GNG7: variants seen among roughly 807,000 people sequenced by gnomAD.
GNG7 encodes the protein guanine nucleotide-binding protein G(I)/G(S)/G(O) subunit gamma-7.
GNG7 carries 1 observed loss-of-function variant against 4.0 expected under a neutral mutation model. The observed-to-expected ratio is 0.25, with a 90% CI of 0.09 to 1.18. The LOEUF (loss-of-function observed/expected upper bound fraction) is 1.18. Among genes scored for constraint, GNG7 ranks in the 50% most tolerant of loss-of-function variants. GNG7 has a pLI of 0.50. For missense variants in GNG7, 86 were observed against 91.9 expected (o/e 0.94, Z 0.26); for synonymous variants, 34 against 36.9 (o/e 0.92, Z 0.29).
chr19:2,596,556 C>A (rs1981026545), intron 2 of GNG7, among the ~76,000 whole-genome samples: 1 of 151,776 alleles, frequency 6.6e-6, no homozygotes, highest in Admixed American at 6.6e-5. Context: ...GTGGTCCCAG[C>A]TACTCAGGAG....
chr19:2,573,474 C>T (rs1217200196), intron 2 of GNG7, among the ~76,000 whole-genome samples: 2 of 152,116 alleles, frequency 1.3e-5, no homozygotes, highest in East Asian at 1.9e-4. Flanking sequence ...CTCACAGCTG[C>T]GTGGCTTCCG....
chr19:2,540,537 G>A (rs550507719), intron 3 of GNG7, among the ~76,000 whole-genome samples: 4 of 152,324 alleles, frequency 2.6e-5, no homozygotes, highest in East Asian at 1.9e-4. Context: ...GCCCCTGCTC[G>A]GGGGTGGGTG....
At chr19:2,529,749 C>T (rs1978525516) in intron 3 of GNG7, among the ~76,000 whole-genome samples, 1 of 152,176 alleles carries the variant, frequency 6.6e-6, no homozygotes, top group African/African-American at 2.4e-5. Flanking sequence ...ACAGAACATT[C>T]AGGTTTCAGG....
rs564291872 is a variant in GNG7, at chr19:2,565,565, G to C, written c.-77-10377C>G. ...TTTGCGTCAAAGGAAGGGTCGGTTA[G>C]TTCCTTCCCTCCAGGACTGAATCCA... On this transcript the variant is annotated intron_variant, in intron 2 of 4. Coordinates refer to ENST00000382159, the MANE Select transcript of GNG7 (RefSeq NM_052847.3). Among the ~76,000 whole-genome samples, 9 of 151,834 alleles carry C rather than the reference G, an allele frequency of 5.9e-5. No individual in the cohort carries two copies. The East Asian group carries it at 1.4e-3, about 23-fold the overall frequency.
intron 3 of GNG7, among the ~76,000 whole-genome samples, chr19:2,549,354 G>A (rs1327713230): frequency 2.0e-5 from 3 of 151,196 alleles, no homozygotes; most frequent in Admixed American, 1.3e-4. Context: ...GTGCAGTGGC[G>A]GATCTCGGCT....
At chr19:2,575,188 T>C (rs10419362) in intron 2 of GNG7, among the ~76,000 whole-genome samples, 63,189 of 151,400 alleles carry the variant, frequency 0.42, 17,408 homozygotes, top group African/African-American at 0.8. Flanking sequence ...GGGCTCAAGC[T>C]ATCCTCCCAC....
At chr19:2,700,480 G>C (rs1275924994) in intron 1 of GNG7, among the ~76,000 whole-genome samples, 1 of 152,054 alleles carries the variant, frequency 6.6e-6, no homozygotes, top group Non-Finnish European at 1.5e-5. Context: ...GGGTGACCCT[G>C]ATGTGTGCTC....
chr19:2,554,428 C>T lies in GNG7; in HGVS notation c.-38+721G>A, dbSNP rs146599950. Among the ~76,000 whole-genome samples the T allele has an allele frequency of 7.7e-4, 115 of 150,110 alleles. 3 individuals are homozygous for T. In the East Asian group the frequency reaches 0.02, roughly 26 times the overall value. ...GTGCAATCATAGCTCACTGCAACCC[C>T]GAACTCCTGGGTTCAAGCAATCCTC... On this transcript the variant is annotated intron_variant, in intron 3 of 4. Coordinates refer to ENST00000382159, the MANE Select transcript of GNG7 (RefSeq NM_052847.3).
At chr19:2,535,934 C>T (rs1420261643) in intron 3 of GNG7, among the ~76,000 whole-genome samples, 2 of 151,694 alleles carry the variant, frequency 1.3e-5, no homozygotes, top group South Asian at 2.1e-4. Context: ...GAAACCAGCC[C>T]GAGCAACAGA....
chr19:2,684,597 G>A lies in GNG7; in HGVS notation c.-135+18049C>T, dbSNP rs538718614. 3.9e-5 allele frequency among the ~76,000 whole-genome samples: 6 copies of A among 152,270 alleles called. No homozygotes were observed. The South Asian group carries it at 1.2e-3, about 32-fold the overall frequency. ...GGCCACGATGAGGATGCACTTTGAGGACCTCAGTCTCAGTGAGAGAAGCCA... is the reference window on the plus strand; with the variant it reads ...GGCCACGATGAGGATGCACTTTGAGAACCTCAGTCTCAGTGAGAGAAGCCA... On this transcript the variant is annotated intron_variant, in intron 1 of 4. Transcript: ENST00000382159.
At chr19:2,589,013 C>T (rs533957277) in intron 2 of GNG7, among the ~76,000 whole-genome samples, 1 of 152,260 alleles carries the variant, frequency 6.6e-6, no homozygotes, top group African/African-American at 2.4e-5. Flanking sequence ...ACCACAACCT[C>T]CCCCTTCCAG....
At chr19:2,685,132 AAAAG>A (rs1304675195) in intron 1 of GNG7, among the ~76,000 whole-genome samples, 2 of 151,460 alleles carry the variant, frequency 1.3e-5, no homozygotes, top group Admixed American at 6.6e-5. Context: ...CTAAAAAAAA[AAAAG>A]AAAGAAAAAA....
intron 2 of GNG7, chr19:2,610,986 G>A (rs1356016990): frequency 8.2e-6 from 1 of 122,504 alleles, no homozygotes; most frequent in Non-Finnish European, 1.7e-5. Context: ...GGGGGGGAAC[G>A]GGCTCACGTG....
intron 2 of GNG7, among the ~76,000 whole-genome samples, chr19:2,603,617 T>C (rs1467014587): frequency 6.6e-6 from 1 of 152,188 alleles, no homozygotes; most frequent in East Asian, 1.9e-4. Flanking sequence ...GGCTCACCCT[T>C]GCGGGGCGGC....
intron 2 of GNG7, among the ~76,000 whole-genome samples, chr19:2,606,243 G>A (rs1259744722): frequency 3.9e-5 from 6 of 152,038 alleles, no homozygotes; most frequent in Non-Finnish European, 8.8e-5. Context: ...GCTGGGCGTG[G>A]TGGTGTGCAC....
chr19:2,521,631 TGAGACAGAG>T (rs1978309491), intron 3 of GNG7, among the ~76,000 whole-genome samples: 1 of 149,116 alleles, frequency 6.7e-6, no homozygotes, highest in African/African-American at 2.5e-5. Flanking sequence ...TTTTTTTTTT[TGAGACAGAG>T]TCTTGCTCTG....
chr19:2,570,143 G>T (rs982678370), intron 2 of GNG7, among the ~76,000 whole-genome samples: 12 of 152,036 alleles, frequency 7.9e-5, no homozygotes, highest in African/African-American at 2.9e-4. Context: ...GTTAAAAAAA[G>T]CCTGGCACCT....
At chr19:2,540,857 C>T (rs1224269638) in intron 3 of GNG7, among the ~76,000 whole-genome samples, 4 of 152,182 alleles carry the variant, frequency 2.6e-5, no homozygotes, top group Admixed American at 6.5e-5. Flanking sequence ...GAGAGGCTGG[C>T]GGTGGCTCTG....
intron 1 of GNG7, among the ~76,000 whole-genome samples, chr19:2,655,786 T>C (rs11084949): frequency 0.51 from 72,640 of 141,106 alleles, 18,986 homozygotes; most frequent in African/African-American, 0.66. Flanking sequence ...TTGCAGTGAG[T>C]CGAGATCGCG....
Sources: gnomAD v4.1 joint callset for allele counts (sites outside exome capture counted in the v4.1 genomes callset) on GRCh38, gnomAD v4.1.1 for gene constraint, MANE v1.5 for transcripts, NCBI Gene and HGNC (gene_info 2026-07-23, HGNC 2026-07-21) for gene names.